SMS: variants seen among roughly 807,000 people sequenced by gnomAD.
SMS encodes spermidine aminopropyltransferase.
Under a neutral mutation model 33.0 loss-of-function variants are expected in SMS, and 3 were observed. The ratio of observed to expected loss-of-function variants is 0.09; its 90% CI spans 0.04 to 0.23. The LOEUF is 0.23. Ranked by LOEUF, SMS falls within the 10% of genes least tolerant of loss-of-function variation. The pLI is 1.00. For missense variants in SMS, 117 were observed against 288.6 expected (o/e 0.41, Z 4.31); for synonymous variants, 103 against 112.2 (o/e 0.92, Z 0.52).
chrX:21,961,311 G>A (rs1923331997), intron 1 of SMS, among the ~76,000 whole-genome samples: 1 of 110,471 alleles, frequency 9.1e-6, no homozygotes, highest in Non-Finnish European at 1.9e-5. Flanking sequence ...AGTTTGGTTG[G>A]GGTAGGCTCT....
chrX:21,987,894 A>G (rs897293007), intron 9 of SMS, among the ~76,000 whole-genome samples: 1 of 112,311 alleles, frequency 8.9e-6, no homozygotes, highest in Non-Finnish European at 1.9e-5. Context: ...GAGAGCTGTT[A>G]TCTTAGTATG....
At position 21,974,465 on chromosome X, in the gene SMS, G is replaced by A. The variant is rs1482552720; in HGVS notation, c.329+1894G>A. Among the ~76,000 whole-genome samples the A allele has an allele frequency of 2.7e-5, 3 of 111,404 alleles. No individual in the cohort carries two copies. The East Asian group carries it at 8.4e-4, about 31-fold the overall frequency. On this transcript the variant is annotated intron_variant, in intron 4 of 10. Transcript: ENST00000404933. ...CACCCATATACCCATACCACTTTTT[G>A]GACATTTCATCTTTTCCTGTTGGCA...
intron 10 of SMS, among the ~76,000 whole-genome samples, chrX:21,992,987 T>G (rs1925858608): frequency 9.0e-6 from 1 of 111,402 alleles, no homozygotes; most frequent in Non-Finnish European, 1.9e-5. Flanking sequence ...AAAGCATTGG[T>G]TCTCAAAGGT....
At chrX:21,941,740 C>A (rs1921795438) in intron 1 of SMS, among the ~76,000 whole-genome samples, 1 of 107,640 alleles carries the variant, frequency 9.3e-6, no homozygotes, top group Non-Finnish European at 1.9e-5. Context: ...CAAAAATTAG[C>A]CGGGCGTGGT....
rs775236467 is a variant in SMS at position 21,978,891 on chromosome X, G to A, written c.675G>A (p.Val225=). The change falls in exon 7 of 11, where the codon GTG becomes GTA. Residue 225 remains valine, a synonymous_variant. Transcript: ENST00000404933. The part of the protein sequence containing the change: ...MVTMVEIDQM[V]IDGCKKYMRK... Reference sequence around the variant, plus strand: ...CTGTTGCGGACATTGACCAAATGGTGATTGATGGGTGTAAGAAATACATGC... The same window carrying A: ...CTGTTGCGGACATTGACCAAATGGTAATTGATGGGTGTAAGAAATACATGC... The A allele has an allele frequency of 2.6e-5, 31 of 1,204,930 alleles. 1 individual carries two copies. In the South Asian group the frequency reaches 5.3e-4, roughly 21 times the overall value.
intron 1 of SMS, among the ~76,000 whole-genome samples, chrX:21,964,787 A>G (rs1293437395): frequency 8.9e-6 from 1 of 111,755 alleles, no homozygotes; most frequent in African/African-American, 3.3e-5. Context: ...TCTGTTTGCT[A>G]TTGTTAAAGT....
intron 1 of SMS, among the ~76,000 whole-genome samples, chrX:21,945,893 G>T (rs758329691): frequency 9.0e-6 from 1 of 111,226 alleles, no homozygotes; most frequent in East Asian, 2.8e-4. Context: ...AAAGTGCTGG[G>T]ATTACAGGTG....
rs373141586 is a variant in SMS, at chrX:21,984,470, A to G, written c.865+52A>G. 372 of 777,769 alleles carry G rather than the reference A, an allele frequency of 4.8e-4. 1 individual carries two copies. The highest frequency in any genetic ancestry group is 5.9e-4 in the Non-Finnish European group (298 of 502,037). 64.1% of individuals were successfully genotyped at this position (777,769 alleles called of 1,213,427 possible). ...TGATGGAAATGTTTCTCTTGGCACC[A>G]TGTGAGGGTGAAAGGATCCTAGAGA... On this transcript the variant is annotated intron_variant, in intron 8 of 10. Transcript: ENST00000404933.
At chrX:21,943,441 G>A (rs1457585676) in intron 1 of SMS, among the ~76,000 whole-genome samples, 2 of 111,562 alleles carry the variant, frequency 1.8e-5, no homozygotes, top group Admixed American at 1.9e-4. Context: ...GTGTGGAAGT[G>A]GCATCTTAAT....
chrX:21,976,895 T>G (rs1331657568), intron 4 of SMS, among the ~76,000 whole-genome samples, 166 bp from the exon 5 acceptor site: 1 of 112,469 alleles, frequency 8.9e-6, no homozygotes, highest in Non-Finnish European at 1.9e-5. Flanking sequence ...TGTCAACATT[T>G]GGTGGTGGCC....
intron 9 of SMS, among the ~76,000 whole-genome samples, chrX:21,989,487 C>A (rs759707859): frequency 6.3e-5 from 7 of 111,963 alleles, no homozygotes; most frequent in Non-Finnish European, 1.1e-4. Flanking sequence ...GAGAGAAAAT[C>A]ATTGGCTAAA....
At chrX:21,971,001 C>A (rs1395412376) in intron 2 of SMS, among the ~76,000 whole-genome samples, 3 of 109,540 alleles carry the variant, frequency 2.7e-5, no homozygotes, top group Non-Finnish European at 5.7e-5. Context: ...GTTCAAGACC[C>A]ACCTGGCCAA....
chrX:21,950,538 A>C (rs781164879), intron 1 of SMS, among the ~76,000 whole-genome samples: 2 of 107,093 alleles, frequency 1.9e-5, no homozygotes, highest in South Asian at 8.4e-4. Context: ...TATACCTATC[A>C]ACCTGTCATC....
intron 1 of SMS, among the ~76,000 whole-genome samples, chrX:21,963,904 G>A (rs2238964): frequency 0.24 from 27,021 of 110,837 alleles, 2,467 homozygotes; most frequent in Admixed American, 0.37. Flanking sequence ...TTCTAGCCAA[G>A]GAGGGATTGC....
At position 21,967,833 on chromosome X, in the gene SMS, C is replaced by T. The variant is rs761692074; in HGVS notation, c.170+517C>T. 6.2e-5 allele frequency among the ~76,000 whole-genome samples: 7 copies of T among 112,548 alleles called. No homozygotes were observed. The South Asian group carries it at 2.2e-3, about 35-fold the overall frequency. ...AGCGTAATAGTAAGACGGGCAGGAT[C>T]GCTCACTGGGCTCCTGCAAGCGGTA... is the stretch of plus-strand genomic sequence containing the variant. On this transcript the variant is annotated intron_variant, in intron 2 of 10. Coordinates refer to ENST00000404933, the MANE Select transcript of SMS (RefSeq NM_004595.5).
chrX:21,988,692 A>G (rs1280619696), intron 9 of SMS, among the ~76,000 whole-genome samples: 2 of 99,087 alleles, frequency 2.0e-5, no homozygotes, highest in African/African-American at 7.8e-5. Flanking sequence ...AAAAAAAAAA[A>G]GGAGTCAGGT....
intron 4 of SMS, among the ~76,000 whole-genome samples, chrX:21,973,297 C>T (rs931628028): frequency 8.9e-6 from 1 of 112,153 alleles, no homozygotes; most frequent in Middle Eastern, 4.6e-3. Context: ...AGTAGCCAGG[C>T]GTGGTGGTAC....
At position 21,955,444 on chromosome X, in the gene SMS, G is replaced by A. The variant is rs771841825; in HGVS notation, c.50-11752G>A. On this transcript the variant is annotated intron_variant, in intron 1 of 10. Transcript: ENST00000404933. ...TTGGTGGCTGGGGCCGTCTCCACACGTCACATGCCAATTTTGAACTAAAAG... is the reference window on the plus strand; with the variant it reads ...TTGGTGGCTGGGGCCGTCTCCACACATCACATGCCAATTTTGAACTAAAAG... Among the ~76,000 whole-genome samples the A allele has an allele frequency of 7.7e-4, 86 of 112,103 alleles. No homozygotes were observed. The Middle Eastern group carries it at 0.014, about 18-fold the overall frequency.
intron 4 of SMS, 124 bp downstream of exon 4, chrX:21,972,695 A>G (rs1050172608): frequency 5.6e-5 from 29 of 516,732 alleles, no homozygotes; most frequent in Non-Finnish European, 9.6e-5. Flanking sequence ...GATCACTTGA[A>G]GTCAGGAGTT....
Sources: gnomAD v4.1 joint callset for allele counts (sites outside exome capture counted in the v4.1 genomes callset) on GRCh38, gnomAD v4.1.1 for gene constraint, MANE v1.5 for transcripts, NCBI Gene and HGNC (gene_info 2026-07-23, HGNC 2026-07-21) for gene names.